ATP11A: variants seen among roughly 807,000 people sequenced by gnomAD.
ATP11A encodes phospholipid-transporting ATPase IH.
A neutral mutation model predicts 154.4 loss-of-function variants in ATP11A; 81 were observed. The observed-to-expected ratio is 0.52, with a 90% CI of 0.44 to 0.63. The LOEUF is 0.63. Among genes scored for constraint, ATP11A ranks in the 30% least tolerant of loss-of-function variants. The probability of loss-of-function intolerance (pLI) is 0.00; values close to 1 mark genes in which losing one functional copy is unlikely to be tolerated. For synonymous variants in ATP11A, 623 were observed against 585.9 expected, an observed-to-expected ratio of 1.06 and a Z score of -0.91; for missense variants, 1,316 against 1,474.3, an observed-to-expected ratio of 0.89 and a Z score of 1.76.
intron 12 of ATP11A, among the ~76,000 whole-genome samples, chr13:112,829,193 G>A (rs1049866070): frequency 6.6e-6 from 1 of 152,210 alleles, no homozygotes; most frequent in Non-Finnish European, 1.5e-5. Flanking sequence ...GGCGTGCGTT[G>A]TAGTGAGGGC....
rs138996601 is a variant in ATP11A at position 112,808,103 on chromosome 13, C to T, written c.333+1810C>T. ...CCAGAGAGGCAGCGGCCGGGGAGCC[C>T]GAGCCCCCATGGATGCAGAGGCTGC... On this transcript the variant is annotated intron_variant, in intron 4 of 29. Transcript: ENST00000375645. Among the ~76,000 whole-genome samples the T allele has an allele frequency of 1.8e-4, 28 of 152,052 alleles. No individual in the cohort carries two copies. The East Asian group carries it at 3.9e-3, about 21-fold the overall frequency.
At chr13:112,762,240 T>G (rs2076980328) in intron 1 of ATP11A, among the ~76,000 whole-genome samples, 1 of 152,126 alleles carries the variant, frequency 6.6e-6, no homozygotes, top group African/African-American at 2.4e-5. Context: ...CCTGCTGGCC[T>G]CCTATCACAG....
intron 1 of ATP11A, among the ~76,000 whole-genome samples, chr13:112,751,218 G>A: frequency 6.6e-6 from 1 of 152,218 alleles, no homozygotes; most frequent in Non-Finnish European, 1.5e-5. Flanking sequence ...TGTGTCGAAA[G>A]GCATGTGTCT....
chr13:112,762,836 G>T (rs954945123), intron 1 of ATP11A, among the ~76,000 whole-genome samples: 2 of 152,234 alleles, frequency 1.3e-5, no homozygotes, highest in African/African-American at 2.4e-5. Context: ...TGGCGTGGAG[G>T]CCGGGGCACT....
chr13:112,756,352 C>A (rs1338350334), intron 1 of ATP11A, among the ~76,000 whole-genome samples: 1 of 152,152 alleles, frequency 6.6e-6, no homozygotes. Context: ...CCTGGCAGTT[C>A]TTTCTCTCTA....
intron 1 of ATP11A, among the ~76,000 whole-genome samples, chr13:112,761,164 G>T (rs559587592): frequency 4.0e-4 from 61 of 152,224 alleles, no homozygotes; most frequent in Non-Finnish European, 8.1e-4. Flanking sequence ...TCCAGGGGTC[G>T]CAGTGCTCGT....
chr13:112,815,822 G>A lies in ATP11A; in HGVS notation c.442-261G>A, dbSNP rs114499978. Among the ~76,000 whole-genome samples, 614 of 152,234 alleles carry A rather than the reference G, an allele frequency of 4.0e-3. 4 individuals carry two copies. Among genetic ancestry groups the A allele is most frequent in the African/African-American group, 0.013 (554 of 41,546 alleles). ...CCACGCTCACAGAACACTCCAACTCGTCGTCTTGGTCTGAATCAAAGATAA... is the reference window on the plus strand; with the variant it reads ...CCACGCTCACAGAACACTCCAACTCATCGTCTTGGTCTGAATCAAAGATAA... On this transcript the variant is annotated intron_variant, in intron 5 of 29. Transcript: ENST00000375645.
intron 29 of ATP11A, among the ~76,000 whole-genome samples, chr13:112,879,424 T>C (rs1311914466): frequency 6.6e-6 from 1 of 152,204 alleles, no homozygotes; most frequent in East Asian, 1.9e-4. Context: ...ACATTTAGGA[T>C]GAAATTATTA....
intron 1 of ATP11A, among the ~76,000 whole-genome samples, chr13:112,695,859 G>T (rs1489346725): frequency 6.6e-6 from 1 of 152,204 alleles, no homozygotes; most frequent in Non-Finnish European, 1.5e-5. Flanking sequence ...CAAGTTAAAT[G>T]CTGGTAAAAA....
chr13:112,765,367 G>C (rs889954676), intron 1 of ATP11A, among the ~76,000 whole-genome samples: 1 of 152,138 alleles, frequency 6.6e-6, no homozygotes, highest in African/African-American at 2.4e-5. Context: ...TTCTGGTCCT[G>C]GCCTGGGGGG....
rs930894938 is a variant in ATP11A, at chr13:112,690,676, C to T, written c.39+221C>T. Among the ~76,000 whole-genome samples, 1 of 151,918 alleles carries T rather than the reference C, an allele frequency of 6.6e-6. No homozygotes were observed. The highest frequency in any genetic ancestry group is 2.4e-5 in the African/African-American group (1 of 41,380). The stretch of plus-strand genomic sequence containing the variant: ...TCTAGGTGGGCACAGCGCGGGGCCC[C>T]AGCCCCGGGCGGCCACCTGCTCCCT... On this transcript the variant is annotated intron_variant, in intron 1 of 29. Coordinates refer to ENST00000375645, the MANE Select transcript of ATP11A (RefSeq NM_015205.3). The surrounding 1 kb of genome is among the most constrained non-coding windows in gnomAD (Gnocchi z 5.6).
intron 1 of ATP11A, among the ~76,000 whole-genome samples, chr13:112,737,835 G>A (rs438116): frequency 1.3e-5 from 2 of 151,904 alleles, no homozygotes; most frequent in African/African-American, 2.4e-5. Flanking sequence ...GTGCTACAGC[G>A]GTCAGCCTGG....
intron 8 of ATP11A, among the ~76,000 whole-genome samples, chr13:112,823,096 T>C (rs1283618166): frequency 6.6e-6 from 1 of 152,234 alleles, no homozygotes; most frequent in Non-Finnish European, 1.5e-5. Context: ...AGGTCCCGCA[T>C]GCGCCAATGG....
intron 2 of ATP11A, among the ~76,000 whole-genome samples, chr13:112,793,268 CCT>C (rs2077908123): frequency 6.6e-6 from 1 of 152,166 alleles, no homozygotes; most frequent in Non-Finnish European, 1.5e-5. Context: ...ATGGTGCGAT[CCT>C]GGCTCACTGC....
intron 25 of ATP11A, among the ~76,000 whole-genome samples, chr13:112,864,525 G>T (rs868614734): frequency 1.3e-5 from 1 of 77,646 alleles, no homozygotes; most frequent in Non-Finnish European, 2.6e-5. Flanking sequence ...GCTTCCCAGC[G>T]GGGTCCATCA....
At chr13:112,867,443 C>T (rs1224534605) in intron 25 of ATP11A, among the ~76,000 whole-genome samples, 2 of 152,196 alleles carry the variant, frequency 1.3e-5, no homozygotes, top group South Asian at 2.1e-4. Context: ...GGCAAGGACA[C>T]GGGCGCCACT....
At chr13:112,810,279 C>T in intron 4 of ATP11A, among the ~76,000 whole-genome samples, 1 of 152,246 alleles carries the variant, frequency 6.6e-6, no homozygotes, top group East Asian at 1.9e-4. Context: ...TCATTTCATT[C>T]AGACACTTCT....
At chr13:112,735,870 T>G (rs1179352052) in intron 1 of ATP11A, among the ~76,000 whole-genome samples, 3 of 152,206 alleles carry the variant, frequency 2.0e-5, no homozygotes, top group Admixed American at 1.3e-4. Context: ...ACCTGACTTT[T>G]CCGAGGTGCA....
Position 112,884,764 on chromosome 13 carries a change from C to T in ATP11A, c.*2898C>T, listed in dbSNP as rs981305315. On this transcript the variant is annotated 3_prime_UTR_variant, in exon 30 of 30. Coordinates refer to ENST00000375645, the MANE Select transcript of ATP11A (RefSeq NM_015205.3). Reference sequence around the variant, plus strand: ...TTCACACCCAGTCCCTGCCACAGACCGTCTCAGACACGCACAGTGGGCCTG... The same window carrying T: ...TTCACACCCAGTCCCTGCCACAGACTGTCTCAGACACGCACAGTGGGCCTG... 11 of 152,024 alleles carry T rather than the reference C, an allele frequency of 7.2e-5. No individual in the cohort carries two copies. The highest frequency in any genetic ancestry group is 2.2e-4 in the African/African-American group (9 of 41,296). The allele number at this position is 152,024 out of a possible 1,614,324, so 9.4% of individuals were successfully genotyped here.
Sources: allele counts gnomAD v4.1 joint callset (sites outside exome capture counted in the v4.1 genomes callset), GRCh38; gene constraint gnomAD v4.1.1; non-coding constraint Gnocchi (gnomAD v3.1); transcripts MANE v1.5; gene names NCBI Gene and HGNC (gene_info 2026-07-23, HGNC 2026-07-21).